The following FAM90A20 variants were observed in gnomAD, a reference collection of about 807,000 sequenced individuals.
FAM90A20 encodes the protein protein FAM90A20.
the FAM90A20 span, chr8:7,297,341 C>T: frequency 1.5e-5 from 21 of 1,389,864 alleles, no homozygotes; most frequent in East Asian, 4.5e-5. Flanking sequence ...GGGTAGCTGC[C>T]GAGAAGTTCC....
the FAM90A20 span, chr8:7,295,873 T>A: frequency 7.6e-5 from 50 of 661,468 alleles, 6 homozygotes; most frequent in Admixed American, 8.6e-4. Context: ...GGGTACTGCC[T>A]CCTAAGGACA....
At chr8:7,295,622 C>T in the FAM90A20 span, 1 of 650,792 alleles carries the variant, frequency 1.5e-6, no homozygotes, top group South Asian at 1.5e-5. Context: ...ACTTCCTTTC[C>T]ACCCACAGCT....
chr8:7,297,450 C>A, the FAM90A20 span: 5 of 1,552,920 alleles, frequency 3.2e-6, no homozygotes, highest in South Asian at 3.3e-5. Flanking sequence ...CCATCAGCCG[C>A]CACACACAGC....
At chr8:7,297,117 C>T in the FAM90A20 span, 18 of 1,505,362 alleles carry the variant, frequency 1.2e-5, 2 homozygotes, top group African/African-American at 3.9e-5. Context: ...CGCATGGACC[C>T]TGTCCTCTCT....
At chr8:7,295,902 A>G in the FAM90A20 span, 3 of 612,372 alleles carry the variant, frequency 4.9e-6, no homozygotes, top group Non-Finnish European at 8.5e-6. Context: ...CTGCACCTGC[A>G]CACCGTGTGC....
At chr8:7,296,370 A>G in the FAM90A20 span, 4 of 744,398 alleles carry the variant, frequency 5.4e-6, no homozygotes, top group Admixed American at 1.8e-5. Flanking sequence ...ATGGAAAAGG[A>G]TCCACGGAAT....
At chr8:7,297,938 C>T in the FAM90A20 span, 3 of 695,482 alleles carry the variant, frequency 4.3e-6, no homozygotes, top group South Asian at 3.0e-5. Context: ...GTCTGAGGCT[C>T]CCTGTGTTCG....
chr8:7,296,523 C>G, the FAM90A20 span: 4 of 631,476 alleles, frequency 6.3e-6, no homozygotes, highest in Non-Finnish European at 8.7e-6. Flanking sequence ...GGGTCAGGGC[C>G]TCCACGATCC....
the FAM90A20 span, chr8:7,297,193 A>T: frequency 6.5e-7 from 1 of 1,535,420 alleles, no homozygotes; most frequent in Non-Finnish European, 8.8e-7. Flanking sequence ...CCCTCAGAAA[A>T]GCCAGTCTGA....
At chr8:7,296,057 A>T in the FAM90A20 span, among the ~76,000 whole-genome samples, 3 of 129,772 alleles carry the variant, frequency 2.3e-5, no homozygotes, top group East Asian at 6.2e-4. Context: ...CAGGTTCCCC[A>T]CGACAGGGGG....
the FAM90A20 span, chr8:7,297,543 C>A: frequency 6.6e-7 from 1 of 1,524,994 alleles, no homozygotes; most frequent in Non-Finnish European, 8.8e-7. Context: ...CTGAACTTCC[C>A]CAAGAAACCG....
At chr8:7,297,298 C>G in the FAM90A20 span, 5 of 1,344,496 alleles carry the variant, frequency 3.7e-6, 1 homozygote, top group South Asian at 4.7e-5. Flanking sequence ...ACGAGACTCT[C>G]CTCGTGGTGG....
At chr8:7,297,137 G>A in the FAM90A20 span, 2 of 1,525,054 alleles carry the variant, frequency 1.3e-6, no homozygotes. Context: ...TGGTCGCTCA[G>A]CTACCGAAAT....
chr8:7,297,417 C>T, the FAM90A20 span: 2,758 of 1,552,058 alleles, frequency 1.8e-3, 211 homozygotes, highest in Non-Finnish European at 2.0e-3. Flanking sequence ...GACAAACGTC[C>T]TGCGGTGACC....
At chr8:7,296,239 T>A in the FAM90A20 span, 2 of 680,416 alleles carry the variant, frequency 2.9e-6, 1 homozygote, top group African/African-American at 5.4e-5. Flanking sequence ...GTTCTCCCTG[T>A]CTCCTGGGGA....
At chr8:7,295,575 G>C in the FAM90A20 span, 1 of 671,030 alleles carries the variant, frequency 1.5e-6, no homozygotes, top group Non-Finnish European at 2.6e-6. Context: ...GTTAACGTGG[G>C]ATCGCTGCCT....
the FAM90A20 span, chr8:7,297,263 C>G: frequency 4.2e-6 from 6 of 1,416,692 alleles, no homozygotes; most frequent in East Asian, 1.1e-4. Flanking sequence ...CGACATCCCT[C>G]GGCCTGCAGT....
the FAM90A20 span, chr8:7,297,785 C>G: frequency 6.0e-6 from 8 of 1,334,000 alleles, 1 homozygote; most frequent in Non-Finnish European, 8.3e-6. Context: ...AGCGGCCAGC[C>G]ATGATGGGGC....
chr8:7,297,506 C>A, the FAM90A20 span: 3 of 1,513,650 alleles, frequency 2.0e-6, 1 homozygote, highest in Non-Finnish European at 2.7e-6. Flanking sequence ...AGCCAAGAGA[C>A]CTGCCCAGGC....
Sources: gnomAD v4.1 joint callset for allele counts (sites outside exome capture counted in the v4.1 genomes callset) on GRCh38, gnomAD v4.1.1 for gene constraint, MANE v1.5 for transcripts, NCBI Gene and HGNC (gene_info 2026-07-23, HGNC 2026-07-21) for gene names.